SRBD1: variants seen among roughly 807,000 people sequenced by gnomAD.
The protein encoded by SRBD1 is S1 RNA-binding domain-containing protein 1.
SRBD1 carries 88 observed loss-of-function variants against 115.3 expected under a neutral mutation model. That is an observed-to-expected ratio of 0.76 (90% CI 0.64 to 0.91). The LOEUF is 0.91. SRBD1 is among the 40% of genes least tolerant of loss of function. The pLI is 0.00. For synonymous variants in SRBD1, 509 were observed against 407.7 expected (o/e 1.25, Z -2.99); for missense variants, 1,385 against 1,177.4 (o/e 1.18, Z -2.58).
At chr2:45,494,783 A>C (rs957960319) in intron 14 of SRBD1, among the ~76,000 whole-genome samples, 8 of 152,330 alleles carry the variant, frequency 5.3e-5, no homozygotes, top group Non-Finnish European at 1.0e-4. Flanking sequence ...TACTAAGGGC[A>C]AAATATGGTG....
intron 10 of SRBD1, among the ~76,000 whole-genome samples, chr2:45,560,598 G>T (rs1672631454): frequency 6.6e-6 from 1 of 152,200 alleles, no homozygotes; most frequent in Middle Eastern, 3.4e-3. Flanking sequence ...CATGCCCATA[G>T]GTGCAGAGGT....
intron 16 of SRBD1, among the ~76,000 whole-genome samples, chr2:45,439,327 A>G (rs1033926679): frequency 1.3e-5 from 2 of 151,580 alleles, no homozygotes; most frequent in African/African-American, 4.8e-5. Flanking sequence ...ACATAAAACC[A>G]GAAAGCAAAA....
intron 16 of SRBD1, among the ~76,000 whole-genome samples, chr2:45,425,230 T>C (rs1668118216): frequency 6.6e-6 from 1 of 152,166 alleles, no homozygotes; most frequent in African/African-American, 2.4e-5. Context: ...ATGAAAACTA[T>C]CACCATACTA....
chr2:45,551,208 G>A lies in SRBD1; in HGVS notation c.1592C>T (p.Thr531Ile). Residue 531 changes from threonine (T) to isoleucine (I), a missense_variant, in exon 12 of 21, where the codon ACA (threonine) becomes ATA (isoleucine). Thr to Ile is a moderately conservative substitution (Grantham distance 89, BLOSUM62 -1). Coordinates refer to ENST00000263736, the MANE Select transcript of SRBD1 (RefSeq NM_018079.5). ...TAAGGTGCGCCCTGGAACAGGGCTTGTTAAAAGGAGCTGACGAAGGTTCCG... is the reference window on the plus strand; with the variant it reads ...TAAGGTGCGCCCTGGAACAGGGCTTATTAAAAGGAGCTGACGAAGGTTCCG... Reference protein sequence around the residue: ...FGRNLRQLLLTSPVPGRTLMG... With the variant: ...FGRNLRQLLLISPVPGRTLMG... 6.2e-6 allele frequency: 10 copies of A among 1,613,132 alleles called. No homozygotes were observed. Among genetic ancestry groups the A allele is most frequent in the Non-Finnish European group, 8.5e-6 (10 of 1,179,820 alleles).
intron 16 of SRBD1, among the ~76,000 whole-genome samples, chr2:45,455,061 C>G (rs1024290613): frequency 6.6e-6 from 1 of 151,874 alleles, no homozygotes; most frequent in Non-Finnish European, 1.5e-5. Flanking sequence ...ACCACACACA[C>G]AATTCCTCTA....
At chr2:45,581,134 C>G (rs145565725) in intron 6 of SRBD1, among the ~76,000 whole-genome samples, 1 of 152,248 alleles carries the variant, frequency 6.6e-6, no homozygotes, top group African/African-American at 2.4e-5. Flanking sequence ...TTCTGCCAAA[C>G]TTCTCTGCTA....
chr2:45,462,897 A>G (rs777320734), intron 16 of SRBD1, among the ~76,000 whole-genome samples: 6 of 150,140 alleles, frequency 4.0e-5, no homozygotes, highest in Non-Finnish European at 8.9e-5. Flanking sequence ...TTTTAAGGTT[A>G]GTTGTTCAAA....
At chr2:45,530,519 C>G (rs1671578187) in intron 14 of SRBD1, among the ~76,000 whole-genome samples, 1 of 152,050 alleles carries the variant, frequency 6.6e-6, no homozygotes, top group African/African-American at 2.4e-5. Context: ...AAAATAAGAT[C>G]TTAACTTTCT....
Position 45,411,763 on chromosome 2 carries a change from A to T in SRBD1, c.2513+1351T>A, listed in dbSNP as rs568029657. Among the ~76,000 whole-genome samples, 4 of 152,342 alleles carry T rather than the reference A, an allele frequency of 2.6e-5. No homozygotes were observed. In the South Asian group the frequency reaches 8.3e-4, roughly 32 times the overall value. The stretch of plus-strand genomic sequence containing the variant: ...TAGTTAATTATATGAATGCTTAAGT[A>T]TTTAGTGCAAAGTGTACCAATGTCT... On this transcript the variant is annotated intron_variant, in intron 19 of 20. Coordinates refer to ENST00000263736, the MANE Select transcript of SRBD1 (RefSeq NM_018079.5).
chr2:45,498,731 T>C (rs1422974172), intron 14 of SRBD1, among the ~76,000 whole-genome samples: 1 of 152,188 alleles, frequency 6.6e-6, no homozygotes, highest in Non-Finnish European at 1.5e-5. Flanking sequence ...CCCATATGAG[T>C]GAGAACATGC....
At chr2:45,421,303 C>A (rs928923477) in intron 16 of SRBD1, among the ~76,000 whole-genome samples, 1 of 151,724 alleles carries the variant, frequency 6.6e-6, no homozygotes, top group Admixed American at 6.6e-5. Flanking sequence ...CTCAGAAGAT[C>A]GACACCATTC....
At chr2:45,585,047 G>A (rs1418606266) in intron 5 of SRBD1, among the ~76,000 whole-genome samples, 4 of 152,090 alleles carry the variant, frequency 2.6e-5, no homozygotes, top group Admixed American at 1.3e-4. Flanking sequence ...CTACTCGGGA[G>A]GCTGAGGCAG....
chr2:45,564,402 A>T (rs1208773874), intron 9 of SRBD1, among the ~76,000 whole-genome samples: 1 of 152,188 alleles, frequency 6.6e-6, no homozygotes, highest in Non-Finnish European at 1.5e-5. Context: ...CATTGTACTG[A>T]AGGTTCTAGC....
chr2:45,449,923 T>G (rs1668941955), intron 16 of SRBD1, among the ~76,000 whole-genome samples: 1 of 152,142 alleles, frequency 6.6e-6, no homozygotes, highest in African/African-American at 2.4e-5. Context: ...AAGGGTGATC[T>G]GGGTCTATAG....
At chr2:45,512,078 T>C (rs989876794) in intron 14 of SRBD1, among the ~76,000 whole-genome samples, 2 of 152,218 alleles carry the variant, frequency 1.3e-5, no homozygotes, top group African/African-American at 2.4e-5. Context: ...CCATAGTTAA[T>C]GCAATACACA....
chr2:45,539,489 A>G (rs932723677), intron 14 of SRBD1, among the ~76,000 whole-genome samples: 11 of 152,196 alleles, frequency 7.2e-5, no homozygotes, highest in African/African-American at 2.7e-4. Context: ...GTGTAAGAAT[A>G]AAACAGAACT....
At chr2:45,442,072 C>T (rs1279952182) in intron 16 of SRBD1, among the ~76,000 whole-genome samples, 1 of 152,134 alleles carries the variant, frequency 6.6e-6, no homozygotes, top group Non-Finnish European at 1.5e-5. Flanking sequence ...CAAACATGAA[C>T]TAAAGTACAG....
chr2:45,451,847 A>G (rs938195901), intron 16 of SRBD1, among the ~76,000 whole-genome samples: 3 of 151,882 alleles, frequency 2.0e-5, no homozygotes, highest in Non-Finnish European at 4.4e-5. Context: ...TTTCTTTTAT[A>G]TAAATGAGAG....
intron 14 of SRBD1, among the ~76,000 whole-genome samples, chr2:45,525,008 G>C (rs1370770349): frequency 1.3e-5 from 2 of 151,924 alleles, no homozygotes; most frequent in African/African-American, 2.4e-5. Context: ...CAACTGATTA[G>C]GACAGGGTTC....
Sources: gnomAD v4.1 joint callset for allele counts (sites outside exome capture counted in the v4.1 genomes callset) on GRCh38, gnomAD v4.1.1 for gene constraint, MANE v1.5 for transcripts, NCBI Gene and HGNC (gene_info 2026-07-23, HGNC 2026-07-21) for gene names.